TBX21: variants seen among roughly 807,000 people sequenced by gnomAD.
TBX21 encodes the protein T-box transcription factor 21, also known as T-box transcription factor TBX21.
Under a neutral mutation model 52.2 loss-of-function variants are expected in TBX21, and 11 were observed. That is an observed-to-expected ratio of 0.21 (90% CI 0.13 to 0.35). The LOEUF is 0.35. Ranked by LOEUF, TBX21 falls within the 10% of genes least tolerant of loss-of-function variation. TBX21 has a pLI of 1.00. For missense variants in TBX21, 625 were observed against 755.1 expected (o/e 0.83, Z 2.02); for synonymous variants, 300 against 316.1 (o/e 0.95, Z 0.54).
At chr17:47,743,879 C>CAAAAAAAAAAAAAAAAAAA (rs772309900) in intron 3 of TBX21, among the ~76,000 whole-genome samples, 1 of 62,132 alleles carries the variant, frequency 1.6e-5, no homozygotes, top group Non-Finnish European at 3.2e-5. Flanking sequence ...GACTCCGTCT[C>CAAAAAAAAAAAAAAAAAAA]AAAAAAAAAA....
At position 47,733,250 on chromosome 17, in the gene TBX21, G is replaced by C; in HGVS notation, c.-205G>C. On this transcript the variant is annotated 5_prime_UTR_variant, in exon 1 of 6. Transcript: ENST00000177694. This position sits in a 1 kb window ranked among gnomAD's most constrained non-coding sequence, Gnocchi z 6.6. ...GCTGCGACTCTAGTGACAGCGGCCC[G>C]CTGGAGAGGAAGCCCGAGAGCTGCC... is the stretch of plus-strand genomic sequence containing the variant. 1 of 624,478 alleles carries C rather than the reference G, an allele frequency of 1.6e-6. No individual in the cohort carries two copies. The highest frequency in any genetic ancestry group is 2.5e-6 in the Non-Finnish European group (1 of 401,328). The allele number at this position is 624,478 out of a possible 1,614,324, so 38.7% of individuals were successfully genotyped here.
Position 47,745,906 on chromosome 17 carries a change from G to T in TBX21, c.*540G>T, listed in dbSNP as rs1351528800. On this transcript the variant is annotated 3_prime_UTR_variant, in exon 6 of 6. Coordinates refer to ENST00000177694, the MANE Select transcript of TBX21 (RefSeq NM_013351.2). The stretch of plus-strand genomic sequence containing the variant: ...CCTGGGCTCCCCCTGCTCAAACACA[G>T]TGGGGATCAGAGAAAAGGGGCTGGA... 1.3e-5 allele frequency: 2 copies of T among 152,928 alleles called. No homozygotes were observed. The highest frequency in any genetic ancestry group is 2.9e-5 in the Non-Finnish European group (2 of 68,614). The allele number at this position is 152,928 out of a possible 1,614,324, so 9.5% of individuals were successfully genotyped here.
chr17:47,736,178 AT>A (rs934784354), intron 1 of TBX21, among the ~76,000 whole-genome samples: 1 of 152,076 alleles, frequency 6.6e-6, no homozygotes, highest in Non-Finnish European at 1.5e-5. Context: ...ATACACTTAC[AT>A]TTTTTTATTA....
chr17:47,738,066 G>A (rs888606105), intron 1 of TBX21, among the ~76,000 whole-genome samples: 1 of 152,142 alleles, frequency 6.6e-6, no homozygotes, highest in African/African-American at 2.4e-5. Context: ...TTACAGGCAT[G>A]AGCCATTGTG....
Position 47,745,285 on chromosome 17 carries a change from T to C in TBX21, c.1527T>C (p.Gly509=), listed in dbSNP as rs774191451. Residue 509 remains glycine (G), a synonymous_variant, in exon 6 of 6, where the codon GGT becomes GGC. Transcript: ENST00000177694. ...RRRVSPYPSS[G]DSSSPAGAPS... ...GCGTGTCCCCCTATCCTTCCAGTGG[T>C]GACAGCTCCTCCCCTGCTGGGGCCC... The C allele has an allele frequency of 3.7e-6, 6 of 1,614,188 alleles. No homozygotes were observed. The highest frequency in any genetic ancestry group is 5.1e-6 in the Non-Finnish European group (6 of 1,180,010).
At position 47,744,889 on chromosome 17, in the gene TBX21, G is replaced by A. The variant is rs1011851262; in HGVS notation, c.1131G>A (p.Ala377=). The A allele has an allele frequency of 7.4e-6, 12 of 1,614,210 alleles. No individual in the cohort carries two copies. The highest frequency in any genetic ancestry group is 1.7e-5 in the Admixed American group (1 of 60,022). ...TCTACCCCGACCTTCCTGGCCAGGC[G>A]AAGGATGTGGTTCCCCAGGCTTACT... The part of the protein sequence containing the change: ...SRFYPDLPGQ[A]KDVVPQAYWL... Residue 377 remains alanine, a synonymous_variant, in exon 6 of 6, where the codon GCG becomes GCA. Transcript: ENST00000177694.
At position 47,733,565 on chromosome 17, in the gene TBX21, C is replaced by G; in HGVS notation, c.111C>G (p.Tyr37Ter). ...PGADPQHRYF[Y>*]PEPGAQDADE... The stretch of plus-strand genomic sequence containing the variant: ...CCGACCCGCAGCACCGCTACTTCTA[C>G]CCGGAGCCGGGCGCGCAGGACGCGG... The change falls in exon 1 of 6, where the codon TAC (tyrosine) becomes TAG (stop). Residue 37 changes from tyrosine to a stop codon, truncating the protein, a stop_gained. Transcript: ENST00000177694. LOFTEE classifies it high-confidence loss of function. The surrounding 1 kb of genome is among the most constrained non-coding windows in gnomAD (Gnocchi z 6.6). 1 of 1,475,482 alleles carries G rather than the reference C, an allele frequency of 6.8e-7. No individual in the cohort carries two copies. The highest frequency in any genetic ancestry group is 8.9e-7 in the Non-Finnish European group (1 of 1,120,740). 91.4% of individuals were successfully genotyped at this position (1,475,482 alleles called of 1,614,324 possible).
chr17:47,742,661 C>T lies in TBX21; in HGVS notation c.543C>T (p.Ser181=). The T allele has an allele frequency of 6.2e-7, 1 of 1,605,230 alleles. No homozygotes were observed. Among genetic ancestry groups the T allele is most frequent in the Non-Finnish European group, 8.5e-7 (1 of 1,176,592 alleles). The part of the protein sequence containing the change: ...SFTVAGLEPT[S]HYRMFVDVVL... ...CTGTGGCCGGGCTGGAGCCCACCAG[C>T]CACTACAGGATGTTTGTGGACGTGG... The change falls in exon 2 of 6, where the codon AGC becomes AGT. Residue 181 remains serine, a synonymous_variant. Transcript: ENST00000177694. This position sits in a 1 kb window ranked among gnomAD's most constrained non-coding sequence, Gnocchi z 4.4.
At chr17:47,737,861 A>G (rs1316729572) in intron 1 of TBX21, among the ~76,000 whole-genome samples, 1 of 152,136 alleles carries the variant, frequency 6.6e-6, no homozygotes, top group Non-Finnish European at 1.5e-5. Context: ...CCTGACTTCA[A>G]GTGATCCCCC....
intron 1 of TBX21, among the ~76,000 whole-genome samples, chr17:47,739,207 G>A (rs1326503169): frequency 1.3e-5 from 2 of 152,084 alleles, no homozygotes; most frequent in East Asian, 3.8e-4. Flanking sequence ...GTAAATCAGG[G>A]GCTATTTTGG....
rs1410827800 is a variant in TBX21, at chr17:47,733,320, G to A, written c.-135G>A. 5.7e-6 allele frequency: 7 copies of A among 1,228,294 alleles called. No homozygotes were observed. The Admixed American group carries it at 2.5e-4, about 44-fold the overall frequency. The allele number at this position is 1,228,294 out of a possible 1,614,324, so 76.1% of individuals were successfully genotyped here. A position where few individuals can be genotyped will look rare whatever the true frequency, so the allele number is the denominator to read the frequency against. ...GCGTAGAAGCCAGGCGTCAGAGCCC[G>A]GGCTCCGGTGGGGTCCCCCACCCGG... On this transcript the variant is annotated 5_prime_UTR_variant, in exon 1 of 6. Transcript: ENST00000177694. This position sits in a 1 kb window ranked among gnomAD's most constrained non-coding sequence, Gnocchi z 6.6.
chr17:47,745,222 T>C lies in TBX21; in HGVS notation c.1464T>C (p.Ser488=), dbSNP rs755818303. 3 of 1,614,194 alleles carry C rather than the reference T, an allele frequency of 1.9e-6. No individual in the cohort carries two copies. ...TTGCCCCCATCCGGCCGGAATCCAGTGATTCAGGACTGGGCGAAGGAGACT... is the reference window on the plus strand; with the variant it reads ...TTGCCCCCATCCGGCCGGAATCCAGCGATTCAGGACTGGGCGAAGGAGACT... ...TEIAPIRPES[S]DSGLGEGDSK... Residue 488 remains serine (S), a synonymous_variant, in exon 6 of 6, where the codon AGT becomes AGC. Transcript: ENST00000177694.
chr17:47,734,286 G>A (rs1290630592), intron 1 of TBX21, among the ~76,000 whole-genome samples: 2 of 152,138 alleles, frequency 1.3e-5, no homozygotes, highest in Admixed American at 6.5e-5. Flanking sequence ...GTCGCAGCGG[G>A]CAGTGAAAGC....
chr17:47,734,602 T>G (rs926769002), intron 1 of TBX21, among the ~76,000 whole-genome samples: 12 of 120,230 alleles, frequency 1.0e-4, no homozygotes, highest in African/African-American at 3.8e-4. Flanking sequence ...TGTGTGTGTG[T>G]GTGTGTGTAT....
chr17:47,744,886 G>T lies in TBX21; in HGVS notation c.1128G>T (p.Gln376His). The change falls in exon 6 of 6, where the codon CAG becomes CAT. Residue 376 changes from glutamine (Q) to histidine (H), a missense_variant. Gln to His is a conservative substitution (Grantham distance 24). Transcript: ENST00000177694. ...PSRFYPDLPG[Q>H]AKDVVPQAYW... ...GCTTCTACCCCGACCTTCCTGGCCA[G>T]GCGAAGGATGTGGTTCCCCAGGCTT... 1.2e-6 allele frequency: 2 copies of T among 1,614,234 alleles called. No homozygotes were observed.
At position 47,745,208 on chromosome 17, in the gene TBX21, C is replaced by T. The variant is rs763123615; in HGVS notation, c.1450C>T (p.Arg484Trp). The change falls in exon 6 of 6, where the codon CGG becomes TGG. Residue 484 changes from arginine (R) to tryptophan (W), a missense_variant. Physicochemically the swap from Arg to Trp is moderately radical, Grantham distance 101 (BLOSUM62 -3). Around this residue, in one of 4 missense-constraint regions of TBX21, gnomAD observed 261 missense variants for 275.1 expected, o/e 0.95. Transcript: ENST00000177694. The part of the protein sequence containing the change: ...PLVWTEIAPI[R>W]PESSDSGLGE... ...GGTGTGGACTGAGATTGCCCCCATC[C>T]GGCCGGAATCCAGTGATTCAGGACT... The T allele has an allele frequency of 6.2e-7, 1 of 1,614,218 alleles. No individual in the cohort carries two copies. The highest frequency in any genetic ancestry group is 8.5e-7 in the Non-Finnish European group (1 of 1,180,032).
chr17:47,744,119 C>A, intron 3 of TBX21, 76 bp from the exon 4 acceptor site: 1 of 1,563,928 alleles, frequency 6.4e-7, no homozygotes, highest in Non-Finnish European at 8.7e-7. Context: ...TCACGTGGGG[C>A]CAGCTGTTGG....
intron 1 of TBX21, among the ~76,000 whole-genome samples, chr17:47,734,465 G>A (rs751878755): frequency 2.0e-5 from 3 of 152,064 alleles, no homozygotes; most frequent in Non-Finnish European, 4.4e-5. Context: ...TGGTGGTGGT[G>A]TGTGTGTACG....
intron 1 of TBX21, among the ~76,000 whole-genome samples, chr17:47,739,761 CA>C (rs1168513669): frequency 0.21 from 24,357 of 115,896 alleles, 2,000 homozygotes; most frequent in Middle Eastern, 0.27. Flanking sequence ...GACTCCGTCT[CA>C]AAAAAAAAAA....
Sources: allele counts gnomAD v4.1 joint callset (sites outside exome capture counted in the v4.1 genomes callset), GRCh38; gene constraint gnomAD v4.1.1; regional missense constraint gnomAD v4.1.1; non-coding constraint Gnocchi (gnomAD v3.1); transcripts MANE v1.5; gene names NCBI Gene and HGNC (gene_info 2026-07-23, HGNC 2026-07-21).